TUBGCP3: variants seen among roughly 807,000 people sequenced by gnomAD.
TUBGCP3 encodes tubulin gamma complex component 3.
Under a neutral mutation model 123.1 loss-of-function variants are expected in TUBGCP3, and 50 were observed. The observed-to-expected ratio is 0.41, with a 90% CI of 0.32 to 0.51. The LOEUF is 0.51. Among genes scored for constraint, TUBGCP3 ranks in the 20% least tolerant of loss-of-function variants. TUBGCP3 has a pLI of 0.36. For synonymous variants in TUBGCP3, 405 were observed against 413.9 expected (o/e 0.98, Z 0.26); for missense variants, 882 against 1,127.0 (o/e 0.78, Z 3.11).
At chr13:112,572,472 T>A (rs953210907) in intron 1 of TUBGCP3, among the ~76,000 whole-genome samples, 1 of 150,586 alleles carries the variant, frequency 6.6e-6, no homozygotes, top group African/African-American at 2.4e-5. Context: ...TCTGTGTCCA[T>A]GTGTTCTCAC....
intron 17 of TUBGCP3, 49 bp downstream of exon 17, chr13:112,516,391 G>A (rs1415422665): frequency 3.3e-6 from 5 of 1,493,864 alleles, no homozygotes; most frequent in South Asian, 1.3e-5. Flanking sequence ...AGTGGGGGCT[G>A]GAGGCCGCTG....
At position 112,508,270 on chromosome 13, in the gene TUBGCP3, C is replaced by T. The variant is rs975619007; in HGVS notation, c.2087-3556G>A. On this transcript the variant is annotated intron_variant, in intron 17 of 21. Transcript: ENST00000261965. This position sits in a 1 kb window ranked among gnomAD's most constrained non-coding sequence, Gnocchi z 4.2. Reference sequence around the variant, plus strand: ...CCTCACTCTGAATCCATCTATTCCTCCTCTGTGATTTTCAGCCTCCCCCTC... The same window carrying T: ...CCTCACTCTGAATCCATCTATTCCTTCTCTGTGATTTTCAGCCTCCCCCTC... 2.0e-5 allele frequency among the ~76,000 whole-genome samples: 3 copies of T among 152,206 alleles called. No individual in the cohort carries two copies. The highest frequency in any genetic ancestry group is 2.9e-5 in the Non-Finnish European group (2 of 68,032).
intron 11 of TUBGCP3, among the ~76,000 whole-genome samples, chr13:112,536,352 T>G (rs141571041): frequency 1.3e-5 from 2 of 152,310 alleles, no homozygotes; most frequent in East Asian, 3.9e-4. Context: ...CTTAACAATA[T>G]CAAACATTGA....
chr13:112,528,958 C>A (rs898672378), intron 11 of TUBGCP3, among the ~76,000 whole-genome samples: 1 of 152,044 alleles, frequency 6.6e-6, no homozygotes, highest in African/African-American at 2.4e-5. Context: ...CTCAAGCCAT[C>A]CTCCCACCTC....
At chr13:112,562,577 C>A (rs568828183) in intron 3 of TUBGCP3, among the ~76,000 whole-genome samples, 5 of 152,122 alleles carry the variant, frequency 3.3e-5, no homozygotes, top group Admixed American at 1.3e-4. Flanking sequence ...AGACACACAG[C>A]GAGAGGCCAG....
At position 112,545,485 on chromosome 13, in the gene TUBGCP3, A is replaced by C. The variant is rs890451555; in HGVS notation, c.1335+214T>G. The C allele has an allele frequency of 5.9e-5, 31 of 523,760 alleles. No homozygotes were observed. The highest frequency in any genetic ancestry group is 5.8e-4 in the African/African-American group (31 of 53,030). The allele number at this position is 523,760 out of a possible 1,614,324, so 32.4% of individuals were successfully genotyped here. On this transcript the variant is annotated intron_variant, in intron 11 of 21. Coordinates refer to ENST00000261965, the MANE Select transcript of TUBGCP3 (RefSeq NM_006322.6). The surrounding 1 kb of genome is among the most constrained non-coding windows in gnomAD (Gnocchi z 4.1). Reference sequence around the variant, plus strand: ...CCTTGCTGAGGAATAAACTGGGACAATTCTCCACTAACCAAAGAACTCGTG... The same window carrying C: ...CCTTGCTGAGGAATAAACTGGGACACTTCTCCACTAACCAAAGAACTCGTG...
chr13:112,553,542 C>A (rs1453150833), intron 8 of TUBGCP3, among the ~76,000 whole-genome samples: 1 of 152,202 alleles, frequency 6.6e-6, no homozygotes, highest in Non-Finnish European at 1.5e-5. Flanking sequence ...AGCAGCAGCT[C>A]CCTCCCAACC....
intron 1 of TUBGCP3, among the ~76,000 whole-genome samples, chr13:112,586,727 A>T (rs1882635403): frequency 6.6e-6 from 1 of 152,100 alleles, no homozygotes; most frequent in Non-Finnish European, 1.5e-5. Context: ...CTTCCAGTAG[A>T]GTGTCTGTCA....
rs367861126 is a variant in TUBGCP3 at position 112,548,132 on chromosome 13, T to C, written c.1011A>G (p.Arg337=). ...CCTGAGAATGTAAAACAGAGAGCAA[T>C]CGATAGTATTCTCTGAGTTCCTGGT... ...ALHQELREYY[R]LLSVLHSQLQ... The change falls in exon 9 of 22, where the codon CGA becomes CGG. Residue 337 remains arginine, a synonymous_variant. Transcript: ENST00000261965. 1.1e-5 allele frequency: 18 copies of C among 1,603,290 alleles called. No individual in the cohort carries two copies. Among genetic ancestry groups the C allele is most frequent in the Non-Finnish European group, 1.4e-5 (16 of 1,173,972 alleles).
chr13:112,563,527 G>A (rs1451479756), intron 3 of TUBGCP3, among the ~76,000 whole-genome samples: 1 of 152,024 alleles, frequency 6.6e-6, no homozygotes, highest in African/African-American at 2.4e-5. Context: ...AACATTCAGA[G>A]CTCCAAACAA....
chr13:112,537,562 AT>A, intron 11 of TUBGCP3, among the ~76,000 whole-genome samples: 1 of 152,118 alleles, frequency 6.6e-6, no homozygotes, highest in East Asian at 1.9e-4. Context: ...TTTACTGAGG[AT>A]TTTTGCATCT....
upstream of TUBGCP3, among the ~76,000 whole-genome samples, chr13:112,589,421 T>C (rs1476271759): frequency 6.6e-6 from 1 of 152,220 alleles, no homozygotes; most frequent in Non-Finnish European, 1.5e-5. Flanking sequence ...TGGAAGGTAT[T>C]ACACTGGTTA....
chr13:112,565,480 AGGC>A (rs1306919536), intron 2 of TUBGCP3, among the ~76,000 whole-genome samples: 1 of 152,218 alleles, frequency 6.6e-6, no homozygotes, highest in African/African-American at 2.4e-5. Context: ...ATAAACAGTA[AGGC>A]AAACTATGAT....
chr13:112,541,023 G>T (rs1339026490), intron 11 of TUBGCP3, among the ~76,000 whole-genome samples: 3 of 152,122 alleles, frequency 2.0e-5, no homozygotes, highest in Non-Finnish European at 2.9e-5. Flanking sequence ...AGTCCTAAGG[G>T]TCTGCTTTTG....
chr13:112,598,976 C>T, the TUBGCP3 span, among the ~76,000 whole-genome samples: 1 of 138,152 alleles, frequency 7.2e-6, no homozygotes, highest in East Asian at 2.1e-4. Flanking sequence ...AATTATTAGA[C>T]AATAAAAGGT....
chr13:112,603,252 C>T, the TUBGCP3 span: 3 of 152,138 alleles, frequency 2.0e-5, no homozygotes, highest in African/African-American at 4.8e-5. Flanking sequence ...CAAGAAGAAC[C>T]GCAAAGTTAT....
intron 1 of TUBGCP3, among the ~76,000 whole-genome samples, chr13:112,570,135 G>A (rs1045925131): frequency 1.3e-5 from 2 of 151,614 alleles, no homozygotes; most frequent in Non-Finnish European, 2.9e-5. Flanking sequence ...ACCGAGACCC[G>A]CCCAGCAAGC....
intron 19 of TUBGCP3, among the ~76,000 whole-genome samples, chr13:112,502,147 A>T (rs1880949183): frequency 6.6e-6 from 1 of 152,252 alleles, no homozygotes. Flanking sequence ...TCTGCCAGCC[A>T]CTATGGTCAA....
the TUBGCP3 span, among the ~76,000 whole-genome samples, chr13:112,595,219 C>T: frequency 8.1e-5 from 12 of 148,032 alleles, no homozygotes; most frequent in African/African-American, 2.8e-4. Context: ...TTTTTTGAGA[C>T]AGAGTCTCGC....
Sources: allele counts gnomAD v4.1 joint callset (sites outside exome capture counted in the v4.1 genomes callset), GRCh38; gene constraint gnomAD v4.1.1; non-coding constraint Gnocchi (gnomAD v3.1); transcripts MANE v1.5; gene names NCBI Gene and HGNC (gene_info 2026-07-23, HGNC 2026-07-21).